LUC7L: variants seen among roughly 807,000 people sequenced by gnomAD.
LUC7L encodes the protein putative RNA-binding protein Luc7-like 1.
Under a neutral mutation model 51.1 loss-of-function variants are expected in LUC7L, and 29 were observed. The observed-to-expected ratio is 0.57, with a 90% CI of 0.42 to 0.77. The LOEUF (loss-of-function observed/expected upper bound fraction) is 0.77. LUC7L is among the 30% of genes least tolerant of loss of function. LUC7L has a pLI of 0.00. For missense variants in LUC7L, 403 were observed against 511.9 expected, an observed-to-expected ratio of 0.79 and a Z score of 2.05; for synonymous variants, 181 against 180.7, an observed-to-expected ratio of 1.00 and a Z score of -0.01.
intron 3 of LUC7L, among the ~76,000 whole-genome samples, chr16:212,363 C>G (rs1021388789): frequency 6.6e-6 from 1 of 152,136 alleles, no homozygotes; most frequent in Non-Finnish European, 1.5e-5. Context: ...GCACAGCTAC[C>G]AAACCACTAA....
At chr16:228,095 G>C (rs1357856226) in intron 1 of LUC7L, 3 of 1,149,544 alleles carry the variant, frequency 2.6e-6, no homozygotes, top group South Asian at 3.7e-5. Flanking sequence ...TCGGGGGAAT[G>C]ATACATAAAA....
intron 3 of LUC7L, chr16:209,489 C>CAA (rs5815040): frequency 0.079 from 9,061 of 115,340 alleles, 489 homozygotes; most frequent in African/African-American, 0.11. Flanking sequence ...GATTCCATCT[C>CAA]AAAAAAAAAA....
chr16:207,128 G>A (rs930160700), intron 4 of LUC7L, among the ~76,000 whole-genome samples: 2 of 151,796 alleles, frequency 1.3e-5, no homozygotes, highest in Non-Finnish European at 2.9e-5. Context: ...AAACCCAGGA[G>A]GCGGAGCTTG....
At chr16:223,374 T>C (rs78143950) in intron 2 of LUC7L, among the ~76,000 whole-genome samples, 21 of 151,720 alleles carry the variant, frequency 1.4e-4, no homozygotes, top group African/African-American at 4.8e-4. Context: ...AATAAAATAA[T>C]AGATAAAAAA....
intron 6 of LUC7L, 132 bp from the exon 7 acceptor site, chr16:193,147 G>T: frequency 1.3e-6 from 1 of 761,624 alleles, no homozygotes; most frequent in Non-Finnish European, 2.3e-6. Flanking sequence ...TTAGGAAATG[G>T]GAATACTTTT....
intron 5 of LUC7L, among the ~76,000 whole-genome samples, chr16:205,514 T>G (rs1567180739): frequency 6.6e-6 from 1 of 152,222 alleles, no homozygotes; most frequent in African/African-American, 2.4e-5. Flanking sequence ...GGAGGCTGTC[T>G]GAGGAGAGGG....
At chr16:193,049 A>G in intron 6 of LUC7L, 34 bp from the exon 7 acceptor site, 2 of 1,548,594 alleles carry the variant, frequency 1.3e-6, no homozygotes, top group Non-Finnish European at 1.8e-6. Context: ...AGGAAGAGCA[A>G]GTTACACAAA....
intron 8 of LUC7L, 22 bp from the exon 9 acceptor site, chr16:190,157 A>C: frequency 6.3e-7 from 1 of 1,599,866 alleles, no homozygotes; most frequent in Non-Finnish European, 8.5e-7. Flanking sequence ...GAAGGCTCCA[A>C]GGCTGAGACT....
In LUC7L at chr16:208,093, C is replaced by T. The variant is rs371140629; in HGVS notation, c.351G>A (p.Ala117=). Residue 117 remains alanine (A), a synonymous_variant, in exon 4 of 10, where the codon GCG becomes GCA. Transcript: ENST00000293872. The part of the protein sequence containing the change: ...RLAETQEEIS[A]EVSAKAEKVH... ...CCAAGCATACCTTTGCAGAAACTTC[C>T]GCACTGATTTCCTCCTGTGTTTCTG... is the stretch of plus-strand genomic sequence containing the variant. 16 of 1,612,640 alleles carry T rather than the reference C, an allele frequency of 9.9e-6. No individual in the cohort carries two copies. The highest frequency in any genetic ancestry group is 4.5e-5 in the East Asian group (2 of 44,848).
At chr16:220,537 C>A (rs1596673557) in intron 3 of LUC7L, 112 bp downstream of exon 3, 10 of 777,948 alleles carry the variant, frequency 1.3e-5, no homozygotes, top group East Asian at 2.5e-5. Context: ...GGCAGGATAA[C>A]AAGCAACTAC....
rs538722828 is a variant in LUC7L, at chr16:221,956, A to T, written c.157-1209T>A. ...GTTCGTAGCCAAATACATGCTCTAC[A>T]CATTTTCTTAGCCTGGGAAATGACC... On this transcript the variant is annotated intron_variant, in intron 2 of 9. Coordinates refer to ENST00000293872, the MANE Select transcript of LUC7L (RefSeq NM_201412.3). Among the ~76,000 whole-genome samples, 19 of 152,254 alleles carry T rather than the reference A, an allele frequency of 1.2e-4. No homozygotes were observed. In the South Asian group the frequency reaches 3.9e-3, roughly 32 times the overall value.
chr16:202,672 T>C (rs900893446), intron 5 of LUC7L, among the ~76,000 whole-genome samples: 1 of 152,182 alleles, frequency 6.6e-6, no homozygotes. Flanking sequence ...TGATGAACCA[T>C]GGAACGCACT....
chr16:209,168 A>G (rs2049567440), intron 3 of LUC7L: 1 of 151,856 alleles, frequency 6.6e-6, no homozygotes, highest in African/African-American at 2.4e-5. Context: ...TAGGCAACAG[A>G]GCAAGACTCC....
At chr16:227,924 A>C (rs891782420) in intron 1 of LUC7L, 1 of 1,002,830 alleles carries the variant, frequency 1.0e-6, no homozygotes, top group African/African-American at 1.7e-5. Flanking sequence ...AGACAATACC[A>C]AAAAAAGCAA....
rs146729198 is a variant in LUC7L, at chr16:201,492, T to C, written c.511-2254A>G. Among the ~76,000 whole-genome samples, 1,089 of 151,804 alleles carry C rather than the reference T, an allele frequency of 7.2e-3. 14 individuals are homozygous for C. The highest frequency in any genetic ancestry group is 0.025 in the African/African-American group (1,047 of 41,434). On this transcript the variant is annotated intron_variant, in intron 5 of 9. Transcript: ENST00000293872. ...TCTCGCTCTGTCGCCCAGCCTGGAA[T>C]GCAGTGGCACGATCTCAGCTCACTA... is the stretch of plus-strand genomic sequence containing the variant.
intron 3 of LUC7L, among the ~76,000 whole-genome samples, chr16:210,450 CT>C (rs1299739922): frequency 5.3e-5 from 8 of 152,182 alleles, no homozygotes; most frequent in African/African-American, 1.7e-4. Flanking sequence ...CTGGCTGGAG[CT>C]CATCAGGATC....
chr16:208,064 C>A lies in LUC7L; in HGVS notation c.366+14G>T. The A allele has an allele frequency of 6.3e-7, 1 of 1,580,556 alleles. No individual in the cohort carries two copies. Among genetic ancestry groups the A allele is most frequent in the Non-Finnish European group, 8.6e-7 (1 of 1,162,172 alleles). On this transcript the variant is annotated intron_variant, in intron 4 of 9. Coordinates refer to ENST00000293872, the MANE Select transcript of LUC7L (RefSeq NM_201412.3). ...TTTAAGAACACACCAGACACCGAAG[C>A]CACCCAAGCATACCTTTGCAGAAAC...
intron 5 of LUC7L, among the ~76,000 whole-genome samples, chr16:203,142 C>T (rs2049380904): frequency 1.3e-5 from 2 of 151,428 alleles, no homozygotes; most frequent in Admixed American, 6.6e-5. Context: ...AGAGAGACTC[C>T]GTGTAAAAAA....
At chr16:211,860 T>C (rs2049650061) in intron 3 of LUC7L, among the ~76,000 whole-genome samples, 1 of 152,178 alleles carries the variant, frequency 6.6e-6, no homozygotes, top group Non-Finnish European at 1.5e-5. Context: ...CTGGTGCTGT[T>C]ACCAGCTCTC....
Sources: gnomAD v4.1 joint callset for allele counts (sites outside exome capture counted in the v4.1 genomes callset) on GRCh38, gnomAD v4.1.1 for gene constraint, MANE v1.5 for transcripts, NCBI Gene and HGNC (gene_info 2026-07-23, HGNC 2026-07-21) for gene names.